VWA3A: variants seen among roughly 807,000 people sequenced by gnomAD.
VWA3A encodes the protein von Willebrand factor A domain-containing protein 3A.
VWA3A carries 134 observed loss-of-function variants against 160.4 expected under a neutral mutation model. The ratio of observed to expected loss-of-function variants is 0.84; its 90% CI spans 0.73 to 0.96. VWA3A has a LOEUF of 0.96. Among genes scored for constraint, VWA3A ranks in the 40% least tolerant of loss-of-function variants. VWA3A has a pLI of 0.00. For synonymous variants in VWA3A, 476 were observed against 543.4 expected (o/e 0.88, Z 1.72); for missense variants, 1,310 against 1,447.9 (o/e 0.90, Z 1.55).
intron 7 of VWA3A, among the ~76,000 whole-genome samples, chr16:22,110,654 G>C (rs558774807): frequency 2.3e-4 from 35 of 152,296 alleles, no homozygotes; most frequent in African/African-American, 7.9e-4. Flanking sequence ...AAGTGCCAAG[G>C]GTCCAGCAAT....
intron 21 of VWA3A, among the ~76,000 whole-genome samples, chr16:22,136,917 ACG>A (rs1491341484): frequency 6.6e-6 from 1 of 150,854 alleles, no homozygotes; most frequent in Non-Finnish European, 1.5e-5. Context: ...ACACACACAC[ACG>A]CAAAATTAGC....
chr16:22,102,974 C>T (rs529403084), intron 5 of VWA3A, among the ~76,000 whole-genome samples: 37 of 152,332 alleles, frequency 2.4e-4, no homozygotes, highest in South Asian at 8.3e-4. Flanking sequence ...CACTGTGTCA[C>T]CAATAGAGCA....
intron 1 of VWA3A, among the ~76,000 whole-genome samples, chr16:22,096,385 A>G (rs140212279): frequency 6.6e-6 from 1 of 152,296 alleles, no homozygotes; most frequent in East Asian, 1.9e-4. Flanking sequence ...TCTTGAGGCC[A>G]GGAGTTCGAG....
At chr16:22,138,556 G>C (rs1343266948) in intron 22 of VWA3A, 44 bp downstream of exon 22, 2 of 1,610,592 alleles carry the variant, frequency 1.2e-6, no homozygotes, top group Non-Finnish European at 1.7e-6. Context: ...TTGGTTTCCT[G>C]TTTGTCTTCT....
chr16:22,105,192 G>A (rs1381453167), intron 6 of VWA3A, among the ~76,000 whole-genome samples: 3 of 152,112 alleles, frequency 2.0e-5, no homozygotes, highest in Admixed American at 6.6e-5. Context: ...AGGCATCCAC[G>A]TAGGGCATGC....
Position 22,152,538 on chromosome 16 carries a change from G to A in VWA3A, c.3309G>A (p.Leu1103=), listed in dbSNP as rs754515981. ...CGGCGGTTGAGTTCCTGAGAAAGCT[G>A]GCTTCCTTCACCGGCGGACGCTATC... ...DRAAVEFLRK[L]ASFTGGRYHC... Residue 1103 remains leucine (L), a synonymous_variant, in exon 31 of 34, where the codon CTG becomes CTA. Coordinates refer to ENST00000389398, the MANE Select transcript of VWA3A (RefSeq NM_173615.5). The A allele has an allele frequency of 1.9e-6, 3 of 1,612,878 alleles. No individual in the cohort carries two copies. Among genetic ancestry groups the A allele is most frequent in the South Asian group, 2.2e-5 (2 of 90,798 alleles).
At chr16:22,135,963 TG>T (rs1365993592) in intron 21 of VWA3A, among the ~76,000 whole-genome samples, 62 of 152,040 alleles carry the variant, frequency 4.1e-4, no homozygotes, top group African/African-American at 1.5e-3. Context: ...CTGATTTTTG[TG>T]TTTTTTAGTA....
intron 21 of VWA3A, among the ~76,000 whole-genome samples, chr16:22,136,893 A>ACGCGCACACACACACACACACACG (rs1300294797): frequency 2.0e-5 from 2 of 98,566 alleles, no homozygotes; most frequent in Non-Finnish European, 3.9e-5. Context: ...ACACACACAC[A>ACGCGCACACACACACACACACACG]CGCACACACA....
At position 22,118,885 on chromosome 16, in the gene VWA3A, G is replaced by T; in HGVS notation, c.991-17G>T. 1.2e-6 allele frequency: 2 copies of T among 1,613,608 alleles called. No individual in the cohort carries two copies. Among genetic ancestry groups the T allele is most frequent in the Non-Finnish European group, 8.5e-7 (1 of 1,179,718 alleles). On this transcript the variant is annotated splice_polypyrimidine_tract_variant and intron_variant, in intron 11 of 33. Transcript: ENST00000389398. The stretch of plus-strand genomic sequence containing the variant: ...GTCAAGTGATTCCGGATGTCTGATT[G>T]CTCTTGCCACCCTCAGCACTACACC...
At chr16:22,096,106 A>G (rs2045317125) in intron 1 of VWA3A, among the ~76,000 whole-genome samples, 1 of 152,144 alleles carries the variant, frequency 6.6e-6, no homozygotes, top group South Asian at 2.1e-4. Flanking sequence ...TGCTACTGAT[A>G]TCTAATAGGT....
chr16:22,115,547 A>C, intron 9 of VWA3A, 75 bp downstream of exon 9: 1 of 1,470,476 alleles, frequency 6.8e-7, no homozygotes, highest in Non-Finnish European at 9.0e-7. Context: ...TTGAGAAAAG[A>C]TTGGCTTGTC....
At position 22,131,566 on chromosome 16, in the gene VWA3A, G is replaced by A. The variant is rs1362254113; in HGVS notation, c.1728-19G>A. 6.2e-7 allele frequency: 1 copy of A among 1,608,004 alleles called. No individual in the cohort carries two copies. The highest frequency in any genetic ancestry group is 1.1e-5 in the South Asian group (1 of 89,822). On this transcript the variant is annotated intron_variant, in intron 18 of 33. Transcript: ENST00000389398. ...GCATGGGCCAATGACCCTCAGCATG[G>A]CCATCTCTGCCTCCGCAGGTGGGCC...
chr16:22,113,945 T>G (rs951883700), intron 8 of VWA3A, among the ~76,000 whole-genome samples: 1 of 152,084 alleles, frequency 6.6e-6, no homozygotes, highest in African/African-American at 2.4e-5. Context: ...CTCATATCAC[T>G]TGCATGATTA....
At chr16:22,136,915 ACACG>A (rs2046054406) in intron 21 of VWA3A, among the ~76,000 whole-genome samples, 1 of 150,912 alleles carries the variant, frequency 6.6e-6, no homozygotes, top group South Asian at 2.1e-4. Context: ...ACACACACAC[ACACG>A]CAAAATTAGC....
intron 1 of VWA3A, among the ~76,000 whole-genome samples, chr16:22,094,572 C>CAA (rs140237362): frequency 5.6e-5 from 8 of 142,930 alleles, no homozygotes; most frequent in African/African-American, 2.0e-4. Flanking sequence ...CTAGCTGAAG[C>CAA]AAAAAAAAAA....
chr16:22,096,450 A>G (rs2045322964), intron 1 of VWA3A, among the ~76,000 whole-genome samples: 2 of 152,128 alleles, frequency 1.3e-5, no homozygotes, highest in African/African-American at 4.8e-5. Flanking sequence ...ACAGAGCAAG[A>G]CCTTGTCAAT....
intron 9 of VWA3A, chr16:22,116,330 AAG>A (rs748355827): frequency 9.6e-5 from 42 of 439,288 alleles, no homozygotes; most frequent in Middle Eastern, 1.3e-3. Context: ...GGAAAGATGG[AAG>A]AGAGAGAAAG....
intron 1 of VWA3A, among the ~76,000 whole-genome samples, chr16:22,096,099 T>C (rs1030742775): frequency 2.0e-5 from 3 of 152,122 alleles, no homozygotes; most frequent in Admixed American, 2.0e-4. Flanking sequence ...GGAGGGATGC[T>C]ACTGATATCT....
At chr16:22,127,622 C>A (rs2045873539) in intron 17 of VWA3A, among the ~76,000 whole-genome samples, 1 of 152,094 alleles carries the variant, frequency 6.6e-6, no homozygotes, top group Non-Finnish European at 1.5e-5. Flanking sequence ...TTAATAAACT[C>A]TATATAAAAA....
Sources: gnomAD v4.1 joint callset for allele counts (sites outside exome capture counted in the v4.1 genomes callset) on GRCh38, gnomAD v4.1.1 for gene constraint, MANE v1.5 for transcripts, NCBI Gene and HGNC (gene_info 2026-07-23, HGNC 2026-07-21) for gene names.